Variants in GRIA1 observed in about 807,000 individuals in gnomAD.
GRIA1 encodes the protein glutamate receptor 1.
GRIA1 carries 31 observed loss-of-function variants against 99.2 expected under a neutral mutation model. The ratio of observed to expected loss-of-function variants is 0.31; its 90% confidence interval spans 0.23 to 0.42. The LOEUF is 0.42. Among genes scored for constraint, GRIA1 ranks in the 10% least tolerant of loss-of-function variants. The pLI, the probability that GRIA1 is intolerant of heterozygous loss-of-function variation, is 1.00. For synonymous variants in GRIA1, 438 were observed against 432.4 expected (o/e 1.01, Z -0.16); for missense variants, 782 against 1,157.5 (o/e 0.68, Z 4.71).
chr5:153,564,524 G>A (rs1761445813), intron 2 of GRIA1, among the ~76,000 whole-genome samples: 1 of 152,160 alleles, frequency 6.6e-6, no homozygotes. Flanking sequence ...GGAGAAGGAT[G>A]GAAGACCTGA....
intron 11 of GRIA1, among the ~76,000 whole-genome samples, chr5:153,761,070 A>C (rs1248519213): frequency 6.6e-6 from 1 of 152,188 alleles, no homozygotes; most frequent in Non-Finnish European, 1.5e-5. Flanking sequence ...AAACTATGAA[A>C]GTACAAGATA....
intron 2 of GRIA1, among the ~76,000 whole-genome samples, chr5:153,643,473 C>A (rs953519370): frequency 6.6e-6 from 1 of 152,212 alleles, no homozygotes; most frequent in African/African-American, 2.4e-5. Context: ...TAATACCTCA[C>A]AACTACTAAT....
intron 11 of GRIA1, among the ~76,000 whole-genome samples, chr5:153,749,503 T>C (rs933869210): frequency 2.6e-5 from 4 of 152,170 alleles, no homozygotes; most frequent in African/African-American, 9.7e-5. Context: ...GGAGCTGGCA[T>C]GTGCAGATCA....
At chr5:153,706,920 C>A (rs1172519789) in intron 11 of GRIA1, among the ~76,000 whole-genome samples, 1 of 151,994 alleles carries the variant, frequency 6.6e-6, no homozygotes, top group Non-Finnish European at 1.5e-5. Context: ...CATGGTGAAA[C>A]CCTGTCTCTA....
At chr5:153,720,019 G>C (rs771969960) in intron 11 of GRIA1, among the ~76,000 whole-genome samples, 9 of 152,098 alleles carry the variant, frequency 5.9e-5, no homozygotes, top group Admixed American at 2.6e-4. Flanking sequence ...TTAATTTTTT[G>C]TGTCCACAAT....
intron 11 of GRIA1, among the ~76,000 whole-genome samples, chr5:153,719,738 C>G (rs984782008): frequency 3.3e-5 from 5 of 152,094 alleles, no homozygotes; most frequent in African/African-American, 1.2e-4. Context: ...AGAGAAGGGT[C>G]AGCATCGCAT....
At chr5:153,639,892 C>T (rs1202835312) in intron 2 of GRIA1, among the ~76,000 whole-genome samples, 11 of 152,194 alleles carry the variant, frequency 7.2e-5, no homozygotes, top group African/African-American at 2.4e-4. Flanking sequence ...ATTACAGGTA[C>T]TTCACCAAAA....
At chr5:153,720,364 A>G (rs1561797901) in intron 11 of GRIA1, among the ~76,000 whole-genome samples, 2 of 152,218 alleles carry the variant, frequency 1.3e-5, no homozygotes, top group Non-Finnish European at 2.9e-5. Context: ...ATGAAAAGAG[A>G]CAGGAGGAGC....
At chr5:153,684,303 A>G (rs1012355956) in intron 7 of GRIA1, among the ~76,000 whole-genome samples, 1 of 152,236 alleles carries the variant, frequency 6.6e-6, no homozygotes, top group African/African-American at 2.4e-5. Context: ...AACAATAATA[A>G]TAACAGCTGG....
intron 2 of GRIA1, among the ~76,000 whole-genome samples, chr5:153,562,617 C>T (rs567845199): frequency 4.6e-5 from 7 of 152,178 alleles, no homozygotes; most frequent in South Asian, 2.1e-4. Flanking sequence ...ATTGACTGTG[C>T]GATTACTGAA....
chr5:153,699,854 T>C (rs1484758220), intron 10 of GRIA1, among the ~76,000 whole-genome samples: 6 of 152,220 alleles, frequency 3.9e-5, no homozygotes, highest in Admixed American at 3.3e-4. Flanking sequence ...ATGTCCCACA[T>C]TGTTTTAAGC....
chr5:153,536,469 A>C (rs9324750), intron 2 of GRIA1, among the ~76,000 whole-genome samples: 100,407 of 151,968 alleles, frequency 0.66, 34,474 homozygotes, highest in East Asian at 0.85. Context: ...AAAGGGCCTT[A>C]TTGTGCTCAT....
chr5:153,664,385 TC>T (rs1755593031), intron 5 of GRIA1, among the ~76,000 whole-genome samples: 1 of 152,150 alleles, frequency 6.6e-6, no homozygotes, highest in Non-Finnish European at 1.5e-5. Flanking sequence ...AAGATTTGAA[TC>T]TAGGCTGACA....
chr5:153,639,927 T>C (rs1753670280), intron 2 of GRIA1, among the ~76,000 whole-genome samples: 1 of 152,208 alleles, frequency 6.6e-6, no homozygotes, highest in Non-Finnish European at 1.5e-5. Flanking sequence ...GAAACACTGA[T>C]TTAGTTTAAA....
chr5:153,596,221 A>T (rs1315856201), intron 2 of GRIA1, among the ~76,000 whole-genome samples: 1 of 152,256 alleles, frequency 6.6e-6, no homozygotes, highest in Admixed American at 6.5e-5. Flanking sequence ...TATAACAAGT[A>T]TGCATCTATT....
chr5:153,695,875 C>T (rs1158089866), intron 8 of GRIA1, among the ~76,000 whole-genome samples: 1 of 152,198 alleles, frequency 6.6e-6, no homozygotes, highest in Non-Finnish European at 1.5e-5. Flanking sequence ...TCACTGCTGC[C>T]TGGATGCATT....
chr5:153,811,570 G>T lies in GRIA1; in HGVS notation c.*345G>T. ...AACTGCACTGTTTTATTTTAATTCA[G>T]TTGTTAGTGTGTCTTAGTGTGTGCA... is the stretch of plus-strand genomic sequence containing the variant. On this transcript the variant is annotated 3_prime_UTR_variant, in exon 16 of 16. Coordinates refer to ENST00000285900, the MANE Select transcript of GRIA1 (RefSeq NM_000827.4). 1.1e-5 allele frequency: 3 copies of T among 267,478 alleles called. No homozygotes were observed. Among genetic ancestry groups the T allele is most frequent in the Non-Finnish European group, 2.2e-5 (3 of 136,364 alleles). 16.6% of individuals were successfully genotyped at this position (267,478 alleles called of 1,614,324 possible).
intron 2 of GRIA1, among the ~76,000 whole-genome samples, chr5:153,537,436 T>C (rs1758684067): frequency 6.6e-6 from 1 of 152,114 alleles, no homozygotes; most frequent in African/African-American, 2.4e-5. Context: ...GCTCTCCCTC[T>C]CTCTCCCCAC....
chr5:153,662,862 C>A, intron 5 of GRIA1, among the ~76,000 whole-genome samples: 1 of 152,154 alleles, frequency 6.6e-6, no homozygotes, highest in East Asian at 1.9e-4. Flanking sequence ...CTCAGAAGTG[C>A]TTCCTACTCC....
Sources: allele counts gnomAD v4.1 joint callset (sites outside exome capture counted in the v4.1 genomes callset), GRCh38; gene constraint gnomAD v4.1.1; transcripts MANE v1.5; gene names NCBI Gene and HGNC (gene_info 2026-07-23, HGNC 2026-07-21).